Variants in CARS1 observed in about 807,000 individuals in gnomAD.
The protein encoded by CARS1 is cysteinyl-tRNA synthetase 1, also known as cysteine--tRNA ligase, cytoplasmic.
A neutral mutation model predicts 106.2 loss-of-function variants in CARS1; 48 were observed. The ratio of observed to expected loss-of-function variants is 0.45; its 90% CI spans 0.36 to 0.57. The LOEUF (loss-of-function observed/expected upper bound fraction) is 0.57. Ranked by LOEUF, CARS1 falls within the 20% of genes least tolerant of loss-of-function variation. The pLI, the probability that CARS1 is intolerant of heterozygous loss-of-function variation, is 0.00. For missense variants in CARS1, 968 were observed against 1,057.2 expected (o/e 0.92, Z 1.17); for synonymous variants, 409 against 403.4 (o/e 1.01, Z -0.17).
rs1339319450 is a variant in CARS1, at chr11:3,052,432, C to T, written c.26-4431G>A. On this transcript the variant is annotated intron_variant, in intron 1 of 22. Coordinates refer to ENST00000380525, the MANE Select transcript of CARS1 (RefSeq NM_001014437.3). This position sits in a 1 kb window ranked among gnomAD's most constrained non-coding sequence, Gnocchi z 4.6. ...GTATTATTAATGTTATTGTAATAGCCGCATGCTACACACAGAGAATTTCCT... is the reference window on the plus strand; with the variant it reads ...GTATTATTAATGTTATTGTAATAGCTGCATGCTACACACAGAGAATTTCCT... Among the ~76,000 whole-genome samples, 4 of 152,168 alleles carry T rather than the reference C, an allele frequency of 2.6e-5. No individual in the cohort carries two copies. The highest frequency in any genetic ancestry group is 7.2e-5 in the African/African-American group (3 of 41,442).
At chr11:3,033,595 A>G (rs529079144) in intron 7 of CARS1, among the ~76,000 whole-genome samples, 113 of 152,376 alleles carry the variant, frequency 7.4e-4, no homozygotes, top group Non-Finnish European at 1.4e-3. Context: ...GTCAGAGGAA[A>G]ATGTATAGCC....
At chr11:3,033,567 A>T (rs1488532807) in intron 7 of CARS1, among the ~76,000 whole-genome samples, 2 of 152,264 alleles carry the variant, frequency 1.3e-5, no homozygotes, top group East Asian at 3.8e-4. Context: ...AATGATGTCA[A>T]ATTTTGCAGC....
In CARS1 at chr11:3,024,079, G is replaced by A. The variant is rs1342005394; in HGVS notation, c.1153+2597C>T. 2.6e-5 allele frequency among the ~76,000 whole-genome samples: 4 copies of A among 152,020 alleles called. No homozygotes were observed. The East Asian group carries it at 7.8e-4, about 30-fold the overall frequency. On this transcript the variant is annotated intron_variant, in intron 10 of 22. Coordinates refer to ENST00000380525, the MANE Select transcript of CARS1 (RefSeq NM_001014437.3). ...GGCTAATTTTTGTATTTTTAGTAGA[G>A]ATGGGGTTTCACCACATTGGCCAGG...
chr11:3,042,092 C>T lies in CARS1; in HGVS notation c.366+73G>A, dbSNP rs1590515474. 8 of 1,115,886 alleles carry T rather than the reference C, an allele frequency of 7.2e-6. No individual in the cohort carries two copies. The East Asian group carries it at 1.9e-4, about 27-fold the overall frequency. The allele number at this position is 1,115,886 out of a possible 1,614,324, so 69.1% of individuals were successfully genotyped here. A position where few individuals can be genotyped will look rare whatever the true frequency, so the allele number is the denominator to read the frequency against. On this transcript the variant is annotated intron_variant, in intron 3 of 22. Coordinates refer to ENST00000380525, the MANE Select transcript of CARS1 (RefSeq NM_001014437.3). ...AGGAACAGAGAAGTCTGTTGTGCGA[C>T]AAGGCACATGGGCTGTCCTGCCTCC...
chr11:3,002,199 C>G, intron 21 of CARS1, 146 bp from the exon 22 acceptor site: 1 of 698,714 alleles, frequency 1.4e-6, no homozygotes, highest in Non-Finnish European at 2.5e-6. Context: ...AAGGGGAAAG[C>G]CAAGGTGGAG....
rs1162095759 is a variant in CARS1, at chr11:3,033,013, C to T, written c.802-3570G>A. ...TGGGTAGGGGATATATATAGCCTCT[C>T]AATTCTGATGTGAACCAGAATCTCC... On this transcript the variant is annotated intron_variant, in intron 7 of 22. Coordinates refer to ENST00000380525, the MANE Select transcript of CARS1 (RefSeq NM_001014437.3). 3.3e-5 allele frequency among the ~76,000 whole-genome samples: 5 copies of T among 150,514 alleles called. No individual in the cohort carries two copies. In the Admixed American group the frequency reaches 3.3e-4, roughly 10 times the overall value.
In CARS1 at chr11:3,030,439, T is replaced by C. The variant is rs1021269463; in HGVS notation, c.802-996A>G. On this transcript the variant is annotated intron_variant, in intron 7 of 22. Transcript: ENST00000380525. This position sits in a 1 kb window ranked among gnomAD's most constrained non-coding sequence, Gnocchi z 5.7. Reference sequence around the variant, plus strand: ...CTCCCCACCGCGGCAGGGCATCCAGTGGGCAGACAAGCACCAAAAGCAGGG... The same window carrying C: ...CTCCCCACCGCGGCAGGGCATCCAGCGGGCAGACAAGCACCAAAAGCAGGG... The C allele has an allele frequency of 6.6e-6, 1 of 152,244 alleles. No homozygotes were observed. Among genetic ancestry groups the C allele is most frequent in the African/African-American group, 2.4e-5 (1 of 41,456 alleles). 9.4% of individuals were successfully genotyped at this position (152,244 alleles called of 1,614,324 possible).
chr11:3,017,864 T>C lies in CARS1; in HGVS notation c.1720A>G (p.Asn574Asp). 2 of 1,609,610 alleles carry C rather than the reference T, an allele frequency of 1.2e-6. No homozygotes were observed. Among genetic ancestry groups the C allele is most frequent in the Non-Finnish European group, 1.7e-6 (2 of 1,175,960 alleles). Reference sequence around the variant, plus strand: ...GAAATGGCACCACCTTACTTCTTATTCAGTTCTGCTTCTTCTTCTCCCCAC... The same window carrying C: ...GAAATGGCACCACCTTACTTCTTATCCAGTTCTGCTTCTTCTTCTCCCCAC... ...EKWGEEEAEL[N>D]KNFYDKKTAI... Residue 574 changes from asparagine (N) to aspartate (D), a missense_variant, in exon 15 of 23, where the codon AAT becomes GAT. Coordinates refer to ENST00000380525, the MANE Select transcript of CARS1 (RefSeq NM_001014437.3). This position sits in a 1 kb window ranked among gnomAD's most constrained non-coding sequence, Gnocchi z 4.9.
chr11:3,042,307 G>A, intron 2 of CARS1, 51 bp from the exon 3 acceptor site: 1 of 1,371,460 alleles, frequency 7.3e-7, no homozygotes, highest in South Asian at 1.2e-5. Context: ...ACCAGGAAGT[G>A]CAAGTCGCCT....
intron 2 of CARS1, among the ~76,000 whole-genome samples, 188 bp downstream of exon 2, chr11:3,047,565 G>A (rs1448546934): frequency 2.0e-5 from 3 of 152,208 alleles, no homozygotes; most frequent in Non-Finnish European, 4.4e-5. Context: ...TCCATAGGGC[G>A]TGATTTTATC....
chr11:3,033,716 A>G (rs1853201362), intron 7 of CARS1, among the ~76,000 whole-genome samples: 1 of 152,224 alleles, frequency 6.6e-6, no homozygotes, highest in Non-Finnish European at 1.5e-5. Context: ...ACAAAAACTG[A>G]TAAAACAAAA....
In CARS1 at chr11:3,039,931, C is replaced by CTATGGACATGTCGCCTCTTCA; in HGVS notation, c.456-1_456insTGAAGAGGCGACATGTCCATA (p.Arg152delinsSerGluGluAlaThrCysProTer). 6.5e-7 allele frequency: 1 copy of CTATGGACATGTCGCCTCTTCA among 1,535,454 alleles called. No homozygotes were observed. Among genetic ancestry groups the CTATGGACATGTCGCCTCTTCA allele is most frequent in the Non-Finnish European group, 8.9e-7 (1 of 1,129,688 alleles). Reference sequence around the variant, plus strand: ...TCAAGATATCAAAAGAGATGTAGGACCTAAAGCAATGAAAAAACAAACATT... The same window carrying CTATGGACATGTCGCCTCTTCA: ...TCAAGATATCAAAAGAGATGTAGGACTATGGACATGTCGCCTCTTCACTAAAGCAATGAAAAAACAAACATT... On this transcript the variant is annotated stop_gained and protein_altering_variant and splice_region_variant. Coordinates refer to ENST00000380525, the MANE Select transcript of CARS1 (RefSeq NM_001014437.3). LOFTEE classifies it high-confidence loss of function. The surrounding 1 kb of genome is among the most constrained non-coding windows in gnomAD (Gnocchi z 5.6).
In CARS1 at chr11:3,043,370, C is replaced by A. The variant is rs540573888; in HGVS notation, c.275-1114G>T. 6.6e-6 allele frequency among the ~76,000 whole-genome samples: 1 copy of A among 151,972 alleles called. No homozygotes were observed. The highest frequency in any genetic ancestry group is 6.6e-5 in the Admixed American group (1 of 15,256). On this transcript the variant is annotated intron_variant, in intron 2 of 22. Transcript: ENST00000380525. This position sits in a 1 kb window ranked among gnomAD's most constrained non-coding sequence, Gnocchi z 4.0. ...TGGTGACTTTCCCGTTGCCCTCAGCCGGCTCCTGCCTGCCCTGCCCCCTCA... is the reference window on the plus strand; with the variant it reads ...TGGTGACTTTCCCGTTGCCCTCAGCAGGCTCCTGCCTGCCCTGCCCCCTCA...
At chr11:3,042,280 CA>C (rs749094714) in intron 2 of CARS1, 24 bp from the exon 3 acceptor site, 1 of 1,585,856 alleles carries the variant, frequency 6.3e-7, no homozygotes, top group East Asian at 2.2e-5. Flanking sequence ...AGAGCAGGAT[CA>C]GGGTCCAGGG....
In CARS1 at chr11:3,008,866, C is replaced by A. The variant is rs1368821224; in HGVS notation, c.2069-1907G>T. 6.6e-6 allele frequency: 1 copy of A among 152,310 alleles called. No homozygotes were observed. Among genetic ancestry groups the A allele is most frequent in the East Asian group, 1.9e-4 (1 of 5,168 alleles). 9.4% of individuals were successfully genotyped at this position (152,310 alleles called of 1,614,324 possible). On this transcript the variant is annotated intron_variant, in intron 18 of 22. Coordinates refer to ENST00000380525, the MANE Select transcript of CARS1 (RefSeq NM_001014437.3). This position sits in a 1 kb window ranked among gnomAD's most constrained non-coding sequence, Gnocchi z 5.1. ...CTTTGAAAGCCACCCCTGGATAGCA[C>A]CCTCATTAGAAGGAAGGCAAGCCAG...
intron 2 of CARS1, 70 bp downstream of exon 2, chr11:3,047,683 G>A (rs1855240235): frequency 6.5e-7 from 1 of 1,538,186 alleles, no homozygotes; most frequent in Non-Finnish European, 8.8e-7. Context: ...GTAAGCACCA[G>A]GGTGATGGAG....
intron 20 of CARS1, 145 bp downstream of exon 20, chr11:3,005,217 CTAGT>C (rs1268680035): frequency 1.1e-5 from 6 of 548,870 alleles, no homozygotes; most frequent in South Asian, 2.4e-5. Context: ...TTAGAAGATA[CTAGT>C]TAATTTTTCT....
Position 3,045,553 on chromosome 11 carries a change from C to T in CARS1, c.274+2200G>A, listed in dbSNP as rs773842877. Among the ~76,000 whole-genome samples the T allele has an allele frequency of 2.0e-5, 3 of 152,174 alleles. No individual in the cohort carries two copies. The highest frequency in any genetic ancestry group is 4.4e-5 in the Non-Finnish European group (3 of 68,040). ...TGCTGGGATTACAGGAGTGAGCCAC[C>T]GCGCCGGGCCAAGCAGAGTCTTTCC... is the stretch of plus-strand genomic sequence containing the variant. On this transcript the variant is annotated intron_variant, in intron 2 of 22. Coordinates refer to ENST00000380525, the MANE Select transcript of CARS1 (RefSeq NM_001014437.3). This position sits in a 1 kb window ranked among gnomAD's most constrained non-coding sequence, Gnocchi z 5.6.
In CARS1 at chr11:3,037,043, G is replaced by A. The variant is rs1163654117; in HGVS notation, c.801+1007C>T. Among the ~76,000 whole-genome samples the A allele has an allele frequency of 1.3e-5, 2 of 151,994 alleles. No individual in the cohort carries two copies. The highest frequency in any genetic ancestry group is 2.1e-4 in the South Asian group (1 of 4,814). ...AAAAGAATATTAGTGGAACAACTGG[G>A]AAAAAAATTACAGCAGCATTGTTGG... On this transcript the variant is annotated intron_variant, in intron 7 of 22. Transcript: ENST00000380525. This position sits in a 1 kb window ranked among gnomAD's most constrained non-coding sequence, Gnocchi z 5.9.
Sources: allele counts gnomAD v4.1 joint callset (sites outside exome capture counted in the v4.1 genomes callset), GRCh38; gene constraint gnomAD v4.1.1; non-coding constraint Gnocchi (gnomAD v3.1); transcripts MANE v1.5; gene names NCBI Gene and HGNC (gene_info 2026-07-23, HGNC 2026-07-21).